Variants in TUT1 observed in about 807,000 individuals in gnomAD.
The protein encoded by TUT1 is speckle targeted PIP5K1A-regulated poly(A) polymerase.
TUT1 carries 26 observed loss-of-function variants against 48.8 expected under a neutral mutation model. The observed-to-expected ratio is 0.53, with a 90% CI of 0.39 to 0.74. The LOEUF (loss-of-function observed/expected upper bound fraction) is 0.74. Ranked by LOEUF, TUT1 falls within the 30% of genes least tolerant of loss-of-function variation. The pLI is 0.00. For synonymous variants in TUT1, 470 were observed against 460.8 expected (o/e 1.02, Z -0.26); for missense variants, 1,065 against 1,114.8 (o/e 0.96, Z 0.64).
Position 62,576,116 on chromosome 11 carries a change from G to T in TUT1, c.1603C>A (p.Arg535Ser). Reference protein sequence around the residue: ...GLPSNLWEGLRLGPLNLQDPF... With the variant: ...GLPSNLWEGLSLGPLNLQDPF... ...TCCTGGAGATTCAGGGGGCCAAGGC[G>T]CAGACCCTCCCAGAGATTAGAAGGC... is the stretch of plus-strand genomic sequence containing the variant. Residue 535 changes from arginine (R) to serine (S), a missense_variant, in exon 9 of 9, where the codon CGC becomes AGC. Physicochemically the swap from Arg to Ser is moderately radical, Grantham distance 110. Transcript: ENST00000476907. The T allele has an allele frequency of 6.2e-7, 1 of 1,613,990 alleles. No homozygotes were observed. The highest frequency in any genetic ancestry group is 8.5e-7 in the Non-Finnish European group (1 of 1,180,024).
chr11:62,582,238 G>T (rs1440389369), intron 2 of TUT1, among the ~76,000 whole-genome samples: 1 of 151,940 alleles, frequency 6.6e-6, no homozygotes, highest in Non-Finnish European at 1.5e-5. Context: ...CTCCTAAAGT[G>T]CTGGGATTAC....
Position 62,576,203 on chromosome 11 carries a change from C to A in TUT1, c.1516G>T (p.Asp506Tyr). The change falls in exon 9 of 9, where the codon GAT becomes TAT. Residue 506 changes from aspartate to tyrosine, a missense_variant. By Grantham distance (160) the Asp-to-Tyr change is radical (BLOSUM62 -3). Transcript: ENST00000476907. ...AGGGACAGCAGGGAGCCACGAAGAT[C>A]CCAACAAGATACACAGGAGAAGAAC... ...AQFFSCVSCW[D>Y]LRGSLLSLRE... 1 of 1,606,854 alleles carries A rather than the reference C, an allele frequency of 6.2e-7. No individual in the cohort carries two copies. The highest frequency in any genetic ancestry group is 8.5e-7 in the Non-Finnish European group (1 of 1,176,702).
Position 62,589,119 on chromosome 11 carries a change from C to A in TUT1, c.185G>T (p.Gly62Val). 1 of 1,614,256 alleles carries A rather than the reference C, an allele frequency of 6.2e-7. No individual in the cohort carries two copies. The highest frequency in any genetic ancestry group is 8.5e-7 in the Non-Finnish European group (1 of 1,180,044). ...AQGLRSVFVS[G>V]FPRDVDSAQL... ...AGCAGAATCCACATCCCTGGGAAAG[C>A]CACTGACAAACACACTTCGAAGTCC... Residue 62 changes from glycine (G) to valine (V), a missense_variant, in exon 2 of 9, where the codon GGC becomes GTC. Physicochemically the swap from Gly to Val is moderately radical, Grantham distance 109. Transcript: ENST00000476907.
chr11:62,585,394 TTTACC>T (rs1941895100), intron 2 of TUT1, among the ~76,000 whole-genome samples: 1 of 152,108 alleles, frequency 6.6e-6, no homozygotes, highest in African/African-American at 2.4e-5. Flanking sequence ...TAAACCACAG[TTTACC>T]AGACTGCAGT....
Position 62,589,032 on chromosome 11 carries a change from T to C in TUT1, c.272A>G (p.Lys91Arg), listed in dbSNP as rs966348255. The C allele has an allele frequency of 1.9e-6, 3 of 1,613,196 alleles. No individual in the cohort carries two copies. Among genetic ancestry groups the C allele is most frequent in the African/African-American group, 1.3e-5 (1 of 74,918 alleles). The change falls in exon 2 of 9, where the codon AAG becomes AGG. Residue 91 changes from lysine to arginine, a missense_variant and splice_region_variant. Lys to Arg is a conservative substitution (Grantham distance 26, BLOSUM62 2). Coordinates refer to ENST00000476907, the MANE Select transcript of TUT1 (RefSeq NM_022830.3). Reference protein sequence around the residue: ...PVASVVMDKDKGVFAIVEMGD... With the variant: ...PVASVVMDKDRGVFAIVEMGD... The stretch of plus-strand genomic sequence containing the variant: ...TAACCCGAGAGCCATTCACTTTACC[T>C]TGTCCTTGTCCATGACAACACTGGC...
chr11:62,578,480 G>T (rs941383446), intron 5 of TUT1, 81 bp downstream of exon 5: 1 of 1,325,968 alleles, frequency 7.5e-7, no homozygotes, highest in Non-Finnish European at 1.0e-6. Context: ...GGGAGGCAGA[G>T]GTTGCAGAGA....
intron 2 of TUT1, among the ~76,000 whole-genome samples, chr11:62,588,517 G>A (rs778871158): frequency 2.8e-4 from 42 of 152,042 alleles, no homozygotes; most frequent in Admixed American, 4.6e-4. Flanking sequence ...TTGTGCCACT[G>A]CACTCAAAAA....
chr11:62,591,135 G>A (rs1225694179), intron 1 of TUT1, among the ~76,000 whole-genome samples: 1 of 151,546 alleles, frequency 6.6e-6, no homozygotes, highest in Non-Finnish European at 1.5e-5. Flanking sequence ...AGAATACCAG[G>A]CACAGAGCAT....
rs1443290036 is a variant in TUT1, at chr11:62,581,794, T to C, written c.274-93A>G. ...ATGAGAATATTTGAAATGGAGACTA[T>C]CCCATAAATTGAGAATATTTGCTTG... On this transcript the variant is annotated intron_variant, in intron 2 of 8. Coordinates refer to ENST00000476907, the MANE Select transcript of TUT1 (RefSeq NM_022830.3). 7.4e-6 allele frequency: 8 copies of C among 1,083,424 alleles called. No homozygotes were observed. In the East Asian group the frequency reaches 2.5e-4, roughly 34 times the overall value. 67.1% of individuals were successfully genotyped at this position (1,083,424 alleles called of 1,614,324 possible).
At chr11:62,582,690 T>G in intron 2 of TUT1, 1 of 415,504 alleles carries the variant, frequency 2.4e-6, no homozygotes, top group Non-Finnish European at 4.9e-6. Flanking sequence ...TCATTTTATC[T>G]ACATTATTTG....
chr11:62,576,327 A>G (rs1941727238), intron 8 of TUT1, 83 bp from the exon 9 acceptor site: 1 of 1,429,290 alleles, frequency 7.0e-7, no homozygotes, highest in African/African-American at 1.4e-5. Flanking sequence ...CCATTTCCTT[A>G]GCAGGACTTT....
At position 62,589,108 on chromosome 11, in the gene TUT1, C is replaced by G; in HGVS notation, c.196G>C (p.Asp66His). The change falls in exon 2 of 9, where the codon GAT becomes CAT. Residue 66 changes from aspartate (D) to histidine (H), a missense_variant. By Grantham distance (81) the Asp-to-His change is moderately conservative (BLOSUM62 -1). Transcript: ENST00000476907. ...RSVFVSGFPR[D>H]VDSAQLSEYF... ...TCAGAGAGCTGAGCAGAATCCACAT[C>G]CCTGGGAAAGCCACTGACAAACACA... 1 of 1,614,252 alleles carries G rather than the reference C, an allele frequency of 6.2e-7. No homozygotes were observed. The highest frequency in any genetic ancestry group is 1.6e-4 in the Middle Eastern group (1 of 6,062).
At chr11:62,577,787 C>T (rs1007026006) in intron 5 of TUT1, among the ~76,000 whole-genome samples, 4 of 152,166 alleles carry the variant, frequency 2.6e-5, no homozygotes, top group Admixed American at 6.5e-5. Flanking sequence ...TATTCTAGGG[C>T]GCGGTGCCTC....
chr11:62,584,889 T>C (rs1941884824), intron 2 of TUT1, among the ~76,000 whole-genome samples: 1 of 152,022 alleles, frequency 6.6e-6, no homozygotes, highest in Admixed American at 6.6e-5. Flanking sequence ...TGGCACGATC[T>C]CGGCTCACTC....
intron 5 of TUT1, among the ~76,000 whole-genome samples, chr11:62,577,691 G>C (rs1941752397): frequency 6.6e-6 from 1 of 152,098 alleles, no homozygotes; most frequent in Non-Finnish European, 1.5e-5. Flanking sequence ...GGCGAAGGGA[G>C]GAAATGGAGA....
At position 62,578,724 on chromosome 11, in the gene TUT1, C is replaced by T. The variant is rs1246001278; in HGVS notation, c.997G>A (p.Glu333Lys). 3 of 1,614,158 alleles carry T rather than the reference C, an allele frequency of 1.9e-6. No individual in the cohort carries two copies. The highest frequency in any genetic ancestry group is 1.6e-4 in the Middle Eastern group (1 of 6,062). Residue 333 changes from glutamate to lysine, a missense_variant, in exon 5 of 9, where the codon GAG (glutamate) becomes AAG (lysine). Coordinates refer to ENST00000476907, the MANE Select transcript of TUT1 (RefSeq NM_022830.3). ...ASELAETPKE[E>K]KAEGAAMLEL... Reference sequence around the variant, plus strand: ...AGCATTGCTGCCCCCTCTGCTTTCTCCTCCTTTGGGGTCTCTGCTAGTTCC... The same window carrying T: ...AGCATTGCTGCCCCCTCTGCTTTCTTCTCCTTTGGGGTCTCTGCTAGTTCC...
chr11:62,588,905 G>A (rs1941961625), intron 2 of TUT1, 126 bp downstream of exon 2: 1 of 796,022 alleles, frequency 1.3e-6, no homozygotes, highest in Non-Finnish European at 2.0e-6. Context: ...TGTTGGCCAG[G>A]CTGGTCTCAA....
rs1378795966 is a variant in TUT1, at chr11:62,578,766, C to T, written c.955G>A (p.Asp319Asn). ...GCTAGTTCCGAGGCCTTCCCCAGGT[C>T]CCCCTCTTCCCTGTCCTCTAGCAGT... ...SPLLEDREEG[D>N]LGKASELAET... Residue 319 changes from aspartate (D) to asparagine (N), a missense_variant, in exon 5 of 9, where the codon GAC becomes AAC. By Grantham distance (23) the Asp-to-Asn change is conservative. Coordinates refer to ENST00000476907, the MANE Select transcript of TUT1 (RefSeq NM_022830.3). The T allele has an allele frequency of 1.9e-6, 3 of 1,614,186 alleles. No individual in the cohort carries two copies. Among genetic ancestry groups the T allele is most frequent in the Non-Finnish European group, 2.5e-6 (3 of 1,180,044 alleles).
chr11:62,585,232 C>T (rs941527322), intron 2 of TUT1, among the ~76,000 whole-genome samples: 2 of 152,124 alleles, frequency 1.3e-5, no homozygotes, highest in African/African-American at 2.4e-5. Context: ...GCGAACCTCC[C>T]GCCTCAGCCT....
Sources: allele counts gnomAD v4.1 joint callset (sites outside exome capture counted in the v4.1 genomes callset), GRCh38; gene constraint gnomAD v4.1.1; transcripts MANE v1.5; gene names NCBI Gene and HGNC (gene_info 2026-07-23, HGNC 2026-07-21).